CDH23: variants seen among roughly 807,000 people sequenced by gnomAD.
CDH23 encodes cadherin related 23, also known as cadherin-23.
CDH23 carries 189 observed loss-of-function variants against 317.1 expected under a neutral mutation model. That is an observed-to-expected ratio of 0.60 (90% confidence interval 0.53 to 0.67). The LOEUF is 0.67. CDH23 is among the 30% of genes least tolerant of loss of function. CDH23 has a pLI of 0.00. For missense variants in CDH23, 4,401 were observed against 4,592.4 expected (o/e 0.96, Z 1.20); for synonymous variants, 1,839 against 1,876.8 (o/e 0.98, Z 0.52).
At chr10:71,445,022 G>A (rs1850088550) in intron 2 of CDH23, among the ~76,000 whole-genome samples, 1 of 152,128 alleles carries the variant, frequency 6.6e-6, no homozygotes, top group African/African-American at 2.4e-5. Flanking sequence ...TTCATGTGGG[G>A]GCTCCTCATA....
At chr10:71,670,131 G>A (rs1864083085) in intron 14 of CDH23, among the ~76,000 whole-genome samples, 2 of 152,238 alleles carry the variant, frequency 1.3e-5, no homozygotes, top group South Asian at 2.1e-4. Context: ...CTTCTGGGCA[G>A]GGCAGGGGCA....
intron 61 of CDH23, among the ~76,000 whole-genome samples, 163 bp from the exon 62 acceptor site, chr10:71,810,309 T>C (rs1276601241): frequency 6.6e-6 from 1 of 152,176 alleles, no homozygotes; most frequent in Non-Finnish European, 1.5e-5. Flanking sequence ...CAAGTGTGGA[T>C]GAAGTGATTG....
intron 20 of CDH23, among the ~76,000 whole-genome samples, chr10:71,691,440 C>T (rs563780598): frequency 6.6e-6 from 1 of 152,180 alleles, no homozygotes; most frequent in Non-Finnish European, 1.5e-5. Context: ...AGTGGGCATG[C>T]AAGGCACCCC....
At position 71,802,037 on chromosome 10, in the gene CDH23, G is replaced by T. The variant is rs145273659; in HGVS notation, c.7483-861G>T. Reference sequence around the variant, plus strand: ...AGTCACGGCTGCTGGCCGGAGCATGGTGGCTCATGCCTGTAATCCCAGCAC... The same window carrying T: ...AGTCACGGCTGCTGGCCGGAGCATGTTGGCTCATGCCTGTAATCCCAGCAC... On this transcript the variant is annotated intron_variant, in intron 53 of 69. Coordinates refer to ENST00000224721, the MANE Select transcript of CDH23 (RefSeq NM_022124.6). Among the ~76,000 whole-genome samples the T allele has an allele frequency of 6.2e-4, 94 of 152,396 alleles. 3 individuals carry two copies. The highest frequency in any genetic ancestry group is 1.6e-3 in the African/African-American group (68 of 41,598).
rs189937481 is a variant in CDH23 at position 71,687,528 on chromosome 10, A to G, written c.1987-119A>G. On this transcript the variant is annotated intron_variant, in intron 18 of 69. Transcript: ENST00000224721. The stretch of plus-strand genomic sequence containing the variant: ...CTCACCTGGCTCTGGTTATACGGAG[A>G]GGCCAAAGCTCTTTAGGGCCAGCCA... 3.2e-3 allele frequency: 2,645 copies of G among 830,912 alleles called. 15 individuals are homozygous for G. The highest frequency in any genetic ancestry group is 3.8e-3 in the Non-Finnish European group (1,868 of 485,428). 51.5% of individuals were successfully genotyped at this position (830,912 alleles called of 1,614,324 possible).
chr10:71,790,361 C>A lies in CDH23; in HGVS notation c.5997C>A (p.Thr1999=), dbSNP rs752883729. The A allele has an allele frequency of 5.6e-6, 9 of 1,613,766 alleles. No homozygotes were observed. The Admixed American group carries it at 1.5e-4, about 27-fold the overall frequency. The change falls in exon 46 of 70, where the codon ACC becomes ACA. Residue 1999 remains threonine, a synonymous_variant. Transcript: ENST00000224721. ...DADQDIYAVV[T]YQLLGAQSGL... ...ACCAAGACATCTACGCCGTGGTGAC[C>A]TACCAGCTGCTGGGTGCCCAGAGTG...
At chr10:71,436,089 C>A (rs900889398) in intron 1 of CDH23, among the ~76,000 whole-genome samples, 2 of 152,282 alleles carry the variant, frequency 1.3e-5, no homozygotes, top group Non-Finnish European at 2.9e-5. Context: ...GCCACCTTGA[C>A]CTAGTGTCGG....
At chr10:71,568,889 A>G (rs1216377037) in intron 7 of CDH23, among the ~76,000 whole-genome samples, 1 of 152,118 alleles carries the variant, frequency 6.6e-6, no homozygotes, top group Non-Finnish European at 1.5e-5. Flanking sequence ...GGGCAGGGGC[A>G]TTTGTGGCAT....
chr10:71,466,202 C>T (rs570128833), intron 3 of CDH23, among the ~76,000 whole-genome samples: 52 of 152,138 alleles, frequency 3.4e-4, no homozygotes, highest in African/African-American at 1.1e-3. Flanking sequence ...CATGTGCACA[C>T]GTGTGTATGA....
chr10:71,610,574 T>A (rs1299379688), intron 9 of CDH23, among the ~76,000 whole-genome samples: 1 of 152,184 alleles, frequency 6.6e-6, no homozygotes, highest in Non-Finnish European at 1.5e-5. Flanking sequence ...GATATCTTCT[T>A]ATAAGGTGGT....
chr10:71,806,369 G>C (rs894517529), intron 57 of CDH23, 88 bp downstream of exon 57: 1 of 894,484 alleles, frequency 1.1e-6, no homozygotes, highest in Non-Finnish European at 1.8e-6. Context: ...CACTGTGCCA[G>C]AATACACATT....
intron 15 of CDH23, 144 bp from the exon 16 acceptor site, chr10:71,677,312 C>G (rs1589322240): frequency 9.6e-6 from 4 of 415,300 alleles, no homozygotes; most frequent in Non-Finnish European, 1.9e-5. Context: ...CTTCTCAGGG[C>G]AAGTGAAAGG....
intron 14 of CDH23, among the ~76,000 whole-genome samples, chr10:71,660,080 C>T (rs1009099969): frequency 1.3e-5 from 2 of 150,680 alleles, no homozygotes; most frequent in Admixed American, 6.6e-5. Flanking sequence ...CCTGCCTCAA[C>T]CTCCTGAGTA....
intron 6 of CDH23, among the ~76,000 whole-genome samples, chr10:71,530,074 C>CACACACACACACA (rs1554835032): frequency 6.6e-6 from 1 of 151,834 alleles, no homozygotes; most frequent in African/African-American, 2.4e-5. Context: ...CACACACTCT[C>CACACACACACACA]CCCAGACTCA....
At chr10:71,812,259 G>GT (rs777895477) in intron 66 of CDH23, 5 of 1,599,132 alleles carry the variant, frequency 3.1e-6, no homozygotes, top group Non-Finnish European at 3.4e-6. Flanking sequence ...GGTGCAGGGT[G>GT]AAGCCTCTGC....
chr10:71,795,770 T>C, intron 48 of CDH23: 4 of 974,286 alleles, frequency 4.1e-6, no homozygotes, highest in Non-Finnish European at 4.8e-6. Context: ...CTCTGCTCCA[T>C]CCCTGCTGCA....
At chr10:71,735,097 C>T (rs915947981) in intron 34 of CDH23, among the ~76,000 whole-genome samples, 1 of 152,256 alleles carries the variant, frequency 6.6e-6, no homozygotes, top group Non-Finnish European at 1.5e-5. Context: ...GCAGAAAGCC[C>T]TTTGTAAGCC....
In CDH23 at chr10:71,548,182, A is replaced by G. The variant is rs1454040841; in HGVS notation, c.430-18560A>G. On this transcript the variant is annotated intron_variant, in intron 6 of 69. Coordinates refer to ENST00000224721, the MANE Select transcript of CDH23 (RefSeq NM_022124.6). ...GAGGGAGCCCAGGGGACAGGGCCAC[A>G]GCCTGCGGGGGCCTGCTGCACGCCT... 2.6e-5 allele frequency among the ~76,000 whole-genome samples: 4 copies of G among 152,366 alleles called. No individual in the cohort carries two copies. In the East Asian group the frequency reaches 7.7e-4, roughly 29 times the overall value.
chr10:71,701,007 T>C (rs1034636263), intron 22 of CDH23, among the ~76,000 whole-genome samples: 1 of 152,176 alleles, frequency 6.6e-6, no homozygotes, highest in Non-Finnish European at 1.5e-5. Context: ...AGAATAACAC[T>C]GTCCTGATGT....
Sources: gnomAD v4.1 joint callset for allele counts (sites outside exome capture counted in the v4.1 genomes callset) on GRCh38, gnomAD v4.1.1 for gene constraint, MANE v1.5 for transcripts, NCBI Gene and HGNC (gene_info 2026-07-23, HGNC 2026-07-21) for gene names.